Variants in DAAM1 observed in about 807,000 individuals in gnomAD.
DAAM1 encodes disheveled-associated activator of morphogenesis 1.
Under a neutral mutation model 130.0 loss-of-function variants are expected in DAAM1, and 52 were observed. The observed-to-expected ratio is 0.40, with a 90% CI of 0.32 to 0.50. DAAM1 has a LOEUF of 0.50. DAAM1 is among the 20% of genes least tolerant of loss of function. The probability of loss-of-function intolerance (pLI) is 0.61; values close to 1 mark genes in which losing one functional copy is unlikely to be tolerated. For synonymous variants in DAAM1, 452 were observed against 444.5 expected, an observed-to-expected ratio of 1.02 and a Z score of -0.21; for missense variants, 1,134 against 1,303.8, an observed-to-expected ratio of 0.87 and a Z score of 2.01.
chr14:59,327,402 CTTTT>C lies in DAAM1; in HGVS notation c.1372+432_1372+435del, dbSNP rs386381493. ...AAGAGAAGAACAGGTCACTTGGTTT[CTTTT>C]TTTTTTTTTTTTTTTTTTTTGAGAT... On this transcript the variant is annotated intron_variant, in intron 12 of 24. Coordinates refer to ENST00000360909, the MANE Select transcript of DAAM1 (RefSeq NM_001270520.2). 2.5e-3 allele frequency among the ~76,000 whole-genome samples: 145 copies of C among 58,982 alleles called. 1 individual carries two copies. Among genetic ancestry groups the C allele is most frequent in the Non-Finnish European group, 3.3e-3 (111 of 33,996 alleles). 38.7% of individuals were successfully genotyped at this position (58,982 alleles called of 152,430 possible). A position where few individuals can be genotyped will look rare whatever the true frequency, so the allele number is the denominator to read the frequency against.
At chr14:59,195,444 C>T (rs1388741386) in intron 1 of DAAM1, among the ~76,000 whole-genome samples, 1 of 151,996 alleles carries the variant, frequency 6.6e-6, no homozygotes, top group African/African-American at 2.4e-5. Context: ...CGCCTGGCCT[C>T]ATCTTGTTAT....
chr14:59,258,396 T>C (rs2139495966), intron 1 of DAAM1, among the ~76,000 whole-genome samples: 1 of 152,296 alleles, frequency 6.6e-6, no homozygotes, highest in Non-Finnish European at 1.5e-5. Flanking sequence ...GTGTGGCCCC[T>C]CAAACTTCTG....
At chr14:59,218,870 C>T (rs1039565026) in intron 1 of DAAM1, among the ~76,000 whole-genome samples, 18 of 152,076 alleles carry the variant, frequency 1.2e-4, no homozygotes, top group African/African-American at 4.1e-4. Context: ...CACAAATATT[C>T]CCTTCCCCCG....
At chr14:59,251,502 A>G (rs1480921651) in intron 1 of DAAM1, among the ~76,000 whole-genome samples, 1 of 151,812 alleles carries the variant, frequency 6.6e-6, no homozygotes, top group Non-Finnish European at 1.5e-5. Context: ...TGCTTATGAA[A>G]GTTCTCAACA....
At chr14:59,352,766 T>C in intron 18 of DAAM1, 134 bp downstream of exon 18, 2 of 765,590 alleles carry the variant, frequency 2.6e-6, no homozygotes, top group East Asian at 2.7e-5. Context: ...AAAAATCTTC[T>C]CAAGTCTGAG....
At chr14:59,198,255 G>T (rs1375750249) in intron 1 of DAAM1, among the ~76,000 whole-genome samples, 1 of 149,536 alleles carries the variant, frequency 6.7e-6, no homozygotes, top group Non-Finnish European at 1.5e-5. Context: ...GCCCAGGCTG[G>T]AGTACAGTGG....
intron 1 of DAAM1, among the ~76,000 whole-genome samples, chr14:59,214,635 G>C (rs1471978288): frequency 6.6e-6 from 1 of 152,124 alleles, no homozygotes; most frequent in Non-Finnish European, 1.5e-5. Context: ...CTCTCATCTA[G>C]TTTAATGTTT....
Position 59,347,554 on chromosome 14 carries a change from T to C in DAAM1, c.2091T>C (p.Asn697=). The change falls in exon 17 of 25, where the codon AAT becomes AAC. Residue 697 remains asparagine (N), a synonymous_variant. Coordinates refer to ENST00000360909, the MANE Select transcript of DAAM1 (RefSeq NM_001270520.2). The stretch of plus-strand genomic sequence containing the variant: ...CTTTCTCCAGGTTGAAATTATCCAA[T>C]GACGAAATCAAACGGGCAATTCTAA... ...NILLSRLKLS[N]DEIKRAILTM... The C allele has an allele frequency of 6.2e-7, 1 of 1,613,734 alleles. No homozygotes were observed. The highest frequency in any genetic ancestry group is 8.5e-7 in the Non-Finnish European group (1 of 1,179,772).
chr14:59,262,546 A>ATTATG (rs1459049426), intron 1 of DAAM1, among the ~76,000 whole-genome samples: 1 of 152,208 alleles, frequency 6.6e-6, no homozygotes, highest in Non-Finnish European at 1.5e-5. Context: ...ATATTTATAA[A>ATTATG]TACATACATT....
intron 3 of DAAM1, among the ~76,000 whole-genome samples, chr14:59,312,534 T>C (rs987593026): frequency 6.6e-6 from 1 of 152,094 alleles, no homozygotes; most frequent in Admixed American, 6.6e-5. Flanking sequence ...GATAGTGAAG[T>C]CCCAGATATA....
At chr14:59,333,235 G>C (rs942990689) in intron 15 of DAAM1, among the ~76,000 whole-genome samples, 1 of 152,014 alleles carries the variant, frequency 6.6e-6, no homozygotes, top group Non-Finnish European at 1.5e-5. Context: ...AAATAGAGGC[G>C]GTTGCCTGCC....
chr14:59,368,617 T>C (rs770164164), intron 24 of DAAM1, 33 bp from the exon 25 acceptor site: 2 of 1,589,218 alleles, frequency 1.3e-6, no homozygotes, highest in South Asian at 2.3e-5. Flanking sequence ...CATTTTGACA[T>C]GTCTCAAAGA....
chr14:59,269,837 A>G (rs905552716), intron 2 of DAAM1, among the ~76,000 whole-genome samples: 14 of 152,226 alleles, frequency 9.2e-5, no homozygotes, highest in African/African-American at 2.9e-4. Flanking sequence ...GAGAGAAGGC[A>G]TGGAAGGCTC....
chr14:59,303,974 T>C (rs1884279199), intron 3 of DAAM1, among the ~76,000 whole-genome samples: 1 of 152,194 alleles, frequency 6.6e-6, no homozygotes, highest in African/African-American at 2.4e-5. Context: ...ATGTGGCTTA[T>C]GTGGGAAATA....
chr14:59,231,744 C>T (rs540110402), intron 1 of DAAM1, among the ~76,000 whole-genome samples: 80 of 152,262 alleles, frequency 5.3e-4, no homozygotes, highest in Admixed American at 2.9e-3. Context: ...AACTCAGTGC[C>T]TGGCATACAG....
chr14:59,236,583 C>T (rs1889308549), intron 1 of DAAM1, among the ~76,000 whole-genome samples: 1 of 152,078 alleles, frequency 6.6e-6, no homozygotes, highest in South Asian at 2.1e-4. Flanking sequence ...CATGACTTTG[C>T]ATTTTCTAAA....
rs1174672703 is a variant in DAAM1 at position 59,305,970 on chromosome 14, C to T, written c.274-9310C>T. ...AGGAAATGTCTCAAAGGATTTTTTCCCAGGGGAGTTCAGGAATGCTTGCAC... is the reference window on the plus strand; with the variant it reads ...AGGAAATGTCTCAAAGGATTTTTTCTCAGGGGAGTTCAGGAATGCTTGCAC... On this transcript the variant is annotated intron_variant, in intron 3 of 24. Transcript: ENST00000360909. Among the ~76,000 whole-genome samples the T allele has an allele frequency of 2.6e-5, 4 of 152,066 alleles. No homozygotes were observed. In the East Asian group the frequency reaches 7.7e-4, roughly 29 times the overall value.
At position 59,320,528 on chromosome 14, in the gene DAAM1, A is replaced by AGAC. The variant is rs764832681; in HGVS notation, c.386_387insCGA (p.Glu128_Glu129insAsp). 1 of 1,607,244 alleles carries AGAC rather than the reference A, an allele frequency of 6.2e-7. No individual in the cohort carries two copies. The highest frequency in any genetic ancestry group is 8.5e-7 in the Non-Finnish European group (1 of 1,177,940). On this transcript the variant is annotated inframe_insertion, in exon 5 of 25. Coordinates refer to ENST00000360909, the MANE Select transcript of DAAM1 (RefSeq NM_001270520.2). Reference sequence around the variant, plus strand: ...TGGCTTTAGAGAAGGAAGAAGAAGAAGAAAGAAGTAAAACTATAGAGAGTT... The same window carrying AGAC: ...TGGCTTTAGAGAAGGAAGAAGAAGAAGACGAAAGAAGTAAAACTATAGAGAGTT...
At chr14:59,231,261 G>A (rs956279225) in intron 1 of DAAM1, among the ~76,000 whole-genome samples, 1 of 152,106 alleles carries the variant, frequency 6.6e-6, no homozygotes, top group African/African-American at 2.4e-5. Context: ...AATGTAGAAC[G>A]ATTAAATCAA....
Sources: allele counts gnomAD v4.1 joint callset (sites outside exome capture counted in the v4.1 genomes callset), GRCh38; gene constraint gnomAD v4.1.1; transcripts MANE v1.5; gene names NCBI Gene and HGNC (gene_info 2026-07-23, HGNC 2026-07-21).